Variants in PRKCB observed in about 807,000 individuals in gnomAD.
PRKCB encodes the protein protein kinase C beta type.
A neutral mutation model predicts 81.5 loss-of-function variants in PRKCB; 13 were observed. That is an observed-to-expected ratio of 0.16 (90% confidence interval 0.10 to 0.25). The LOEUF (loss-of-function observed/expected upper bound fraction) is 0.25, where lower values mean the gene tolerates loss of function less well. Ranked by LOEUF, PRKCB falls within the 10% of genes least tolerant of loss-of-function variation. The pLI is 1.00. For synonymous variants in PRKCB, 335 were observed against 321.4 expected (o/e 1.04, Z -0.45); for missense variants, 509 against 875.7 (o/e 0.58, Z 5.29).
intron 9 of PRKCB, among the ~76,000 whole-genome samples, chr16:24,137,419 C>T (rs937615492): frequency 6.6e-6 from 1 of 151,546 alleles, no homozygotes; most frequent in African/African-American, 2.4e-5. Context: ...AAACTTCTGG[C>T]CACCAGCGAT....
intron 7 of PRKCB, among the ~76,000 whole-genome samples, chr16:24,112,114 A>G (rs1966682898): frequency 6.6e-6 from 1 of 152,226 alleles, no homozygotes; most frequent in African/African-American, 2.4e-5. Context: ...CATTTTGGGA[A>G]AACTTTTGCA....
intron 2 of PRKCB, among the ~76,000 whole-genome samples, chr16:23,890,674 A>G (rs986655281): frequency 2.0e-5 from 3 of 151,384 alleles, no homozygotes; most frequent in Admixed American, 6.6e-5. Context: ...ACCCTCATTG[A>G]CTCTTTCCAC....
intron 16 of PRKCB, among the ~76,000 whole-genome samples, chr16:24,211,933 A>G (rs1467604576): frequency 6.6e-6 from 1 of 152,152 alleles, no homozygotes; most frequent in Non-Finnish European, 1.5e-5. Context: ...CCTTGCATGC[A>G]CAGCAAATAC....
intron 10 of PRKCB, among the ~76,000 whole-genome samples, chr16:24,156,638 A>G (rs1967163927): frequency 6.6e-6 from 1 of 152,204 alleles, no homozygotes; most frequent in South Asian, 2.1e-4. Flanking sequence ...AAAAATATTA[A>G]GTGAATGATA....
At chr16:23,855,609 T>C (rs1482294325) in intron 2 of PRKCB, among the ~76,000 whole-genome samples, 1 of 152,244 alleles carries the variant, frequency 6.6e-6, no homozygotes. Context: ...TGATAAATTG[T>C]CTTAAAAGAT....
chr16:24,173,047 C>T (rs1967468604), intron 11 of PRKCB, among the ~76,000 whole-genome samples: 1 of 152,074 alleles, frequency 6.6e-6, no homozygotes, highest in Admixed American at 6.5e-5. Context: ...AAGCAGTTCC[C>T]AAATTCTGAC....
chr16:23,852,488 T>C (rs1852264544), intron 2 of PRKCB, among the ~76,000 whole-genome samples: 1 of 152,240 alleles, frequency 6.6e-6, no homozygotes, highest in South Asian at 2.1e-4. Flanking sequence ...GTGAATAAAA[T>C]TCTTTTAATG....
At chr16:24,055,575 C>T (rs1190461094) in intron 5 of PRKCB, among the ~76,000 whole-genome samples, 1 of 152,224 alleles carries the variant, frequency 6.6e-6, no homozygotes, top group Admixed American at 6.5e-5. Context: ...ATCAATGCTC[C>T]TTTGATTTCA....
chr16:24,064,200 G>A (rs1013851234), intron 5 of PRKCB, among the ~76,000 whole-genome samples: 1 of 151,888 alleles, frequency 6.6e-6, no homozygotes, highest in Non-Finnish European at 1.5e-5. Flanking sequence ...TAGCAAATGG[G>A]AACATACACA....
intron 3 of PRKCB, among the ~76,000 whole-genome samples, chr16:24,014,156 G>A (rs1204466970): frequency 4.6e-5 from 7 of 152,156 alleles, no homozygotes; most frequent in African/African-American, 7.2e-5. Flanking sequence ...AGCTGGCAGC[G>A]GCTTTGCAAG....
intron 5 of PRKCB, among the ~76,000 whole-genome samples, chr16:24,088,685 C>T (rs138322176): frequency 4.9e-4 from 73 of 147,506 alleles, no homozygotes; most frequent in African/African-American, 1.8e-3. Flanking sequence ...GCCGTGATCG[C>T]GCCACCGCAC....
chr16:24,121,433 A>G (rs1966797227), intron 8 of PRKCB, among the ~76,000 whole-genome samples: 1 of 152,146 alleles, frequency 6.6e-6, no homozygotes, highest in African/African-American at 2.4e-5. Context: ...CTGGAGTGCA[A>G]TACAGTGATC....
chr16:23,881,797 A>T (rs1285587153), intron 2 of PRKCB, among the ~76,000 whole-genome samples: 1 of 151,452 alleles, frequency 6.6e-6, no homozygotes, highest in Non-Finnish European at 1.5e-5. Flanking sequence ...TAAAACTGAA[A>T]CTCTATACCC....
At chr16:24,153,551 G>T (rs1352082027) in intron 9 of PRKCB, among the ~76,000 whole-genome samples, 3 of 152,214 alleles carry the variant, frequency 2.0e-5, no homozygotes, top group Admixed American at 6.5e-5. Context: ...ATGGGGTTCT[G>T]CCTTGTGCTT....
rs369345275 is a variant in PRKCB at position 24,214,681 on chromosome 16, C to A, written c.1887C>A (p.Phe629Leu). 6.2e-7 allele frequency: 1 copy of A among 1,613,970 alleles called. No homozygotes were observed. The highest frequency in any genetic ancestry group is 1.7e-5 in the Admixed American group (1 of 59,998). ...AGTGTGGGCGAAATGCTGAAAACTT[C>A]GACCGATTTTTCACCCGCCATCCAC... ...PKACGRNAEN[F>L]DRFFTRHPPV... Residue 629 changes from phenylalanine (F) to leucine (L), a missense_variant, in exon 17 of 17, where the codon TTC becomes TTA. Phe to Leu is a conservative substitution (Grantham distance 22, BLOSUM62 0). This residue lies in a region of PRKCB where 104 missense variants were observed against 160.5 expected (regional missense o/e 0.65). Coordinates refer to ENST00000643927, the MANE Select transcript of PRKCB (RefSeq NM_002738.7).
rs542924422 is a variant in PRKCB, at chr16:24,167,517, G to A, written c.1240-4753G>A. On this transcript the variant is annotated intron_variant, in intron 10 of 16. Coordinates refer to ENST00000643927, the MANE Select transcript of PRKCB (RefSeq NM_002738.7). Reference sequence around the variant, plus strand: ...TGAGGCTGCAGTGAGCAGAGATCACGCCATTGTACTCCAGACTGGGCGACA... The same window carrying A: ...TGAGGCTGCAGTGAGCAGAGATCACACCATTGTACTCCAGACTGGGCGACA... 1.2e-4 allele frequency among the ~76,000 whole-genome samples: 18 copies of A among 151,770 alleles called. No homozygotes were observed. In the South Asian group the frequency reaches 1.7e-3, roughly 14 times the overall value.
intron 5 of PRKCB, among the ~76,000 whole-genome samples, chr16:24,071,080 G>C (rs988156904): frequency 6.6e-6 from 1 of 152,076 alleles, no homozygotes; most frequent in Non-Finnish European, 1.5e-5. Flanking sequence ...GGAGCTCAAA[G>C]CCCCCCTCCA....
At chr16:23,942,556 A>G (rs1964152604) in intron 2 of PRKCB, among the ~76,000 whole-genome samples, 1 of 152,148 alleles carries the variant, frequency 6.6e-6, no homozygotes, top group Non-Finnish European at 1.5e-5. Context: ...ATTTTTGTCT[A>G]CTTTTCTAAG....
chr16:23,964,809 A>G (rs1038910564), intron 2 of PRKCB, among the ~76,000 whole-genome samples: 4 of 151,456 alleles, frequency 2.6e-5, no homozygotes, highest in Non-Finnish European at 2.9e-5. Flanking sequence ...AGCTGGGATT[A>G]TAGGTACCTG....
Sources: allele counts gnomAD v4.1 joint callset (sites outside exome capture counted in the v4.1 genomes callset), GRCh38; gene constraint gnomAD v4.1.1; regional missense constraint gnomAD v4.1.1; transcripts MANE v1.5; gene names NCBI Gene and HGNC (gene_info 2026-07-23, HGNC 2026-07-21).